Variants in NIPSNAP2 observed in about 807,000 individuals in gnomAD.
NIPSNAP2 encodes the protein protein NipSnap homolog 2.
Under a neutral mutation model 48.4 loss-of-function variants are expected in NIPSNAP2, and 42 were observed. The ratio of observed to expected loss-of-function variants is 0.87; its 90% CI spans 0.68 to 1.12. The LOEUF is 1.12. NIPSNAP2 is among the 50% of genes most tolerant of loss of function. The probability of loss-of-function intolerance (pLI) is 0.00; values close to 1 mark genes in which losing one functional copy is unlikely to be tolerated. For missense variants in NIPSNAP2, 314 were observed against 347.3 expected (o/e 0.90, Z 0.76); for synonymous variants, 158 against 126.6 (o/e 1.25, Z -1.67).
At chr7:55,970,758 A>G (rs1427400475) in intron 1 of NIPSNAP2, among the ~76,000 whole-genome samples, 1 of 151,820 alleles carries the variant, frequency 6.6e-6, no homozygotes, top group Non-Finnish European at 1.5e-5. Context: ...CAGTGTCATG[A>G]CTCCATGTCC....
At chr7:55,994,825 T>C (rs1787523837) in intron 7 of NIPSNAP2, 69 bp from the exon 8 acceptor site, 9 of 1,306,478 alleles carry the variant, frequency 6.9e-6, no homozygotes, top group Non-Finnish European at 8.9e-6. Context: ...ATGGTGAAGG[T>C]TTAGTCTACC....
chr7:55,983,137 A>C (rs1787255917), intron 5 of NIPSNAP2, among the ~76,000 whole-genome samples: 1 of 151,958 alleles, frequency 6.6e-6, no homozygotes, highest in Non-Finnish European at 1.5e-5. Flanking sequence ...AAACAACACA[A>C]AAAAAACCCC....
At chr7:55,978,494 C>A (rs765493047) in intron 3 of NIPSNAP2, 99 bp downstream of exon 3, 4 of 1,075,272 alleles carry the variant, frequency 3.7e-6, no homozygotes, top group Non-Finnish European at 5.3e-6. Flanking sequence ...GATCTTTCAT[C>A]CCTCTCTTTT....
chr7:55,993,247 C>T (rs1224570861), intron 7 of NIPSNAP2, among the ~76,000 whole-genome samples: 1 of 150,908 alleles, frequency 6.6e-6, no homozygotes, highest in Non-Finnish European at 1.5e-5. Flanking sequence ...TGCAGTGAGC[C>T]GAGATCCCGC....
chr7:55,989,640 A>G (rs896523123), intron 7 of NIPSNAP2, among the ~76,000 whole-genome samples: 7 of 151,508 alleles, frequency 4.6e-5, no homozygotes, highest in African/African-American at 1.7e-4. Context: ...AGCCTCAATA[A>G]TTAAGAGGGA....
chr7:55,989,205 A>G (rs1320776819), intron 7 of NIPSNAP2, among the ~76,000 whole-genome samples: 1 of 152,240 alleles, frequency 6.6e-6, no homozygotes, highest in Non-Finnish European at 1.5e-5. Context: ...CCTTAAATTC[A>G]AAACACAAGA....
intron 1 of NIPSNAP2, among the ~76,000 whole-genome samples, chr7:55,976,178 C>T (rs1196989739): frequency 6.9e-6 from 1 of 145,414 alleles, no homozygotes; most frequent in East Asian, 2.2e-4. Flanking sequence ...TTTAACAGCT[C>T]ACTCTGTATG....
chr7:55,983,560 G>C (rs1421846348), intron 5 of NIPSNAP2, among the ~76,000 whole-genome samples, 168 bp from the exon 6 acceptor site: 1 of 152,186 alleles, frequency 6.6e-6, no homozygotes, highest in Non-Finnish European at 1.5e-5. Context: ...GAAAAGGAAT[G>C]CTGTTAATGA....
At chr7:55,985,244 A>G (rs1787301384) in intron 7 of NIPSNAP2, among the ~76,000 whole-genome samples, 1 of 152,160 alleles carries the variant, frequency 6.6e-6, no homozygotes, top group Non-Finnish European at 1.5e-5. Context: ...AGCAAAACCA[A>G]TATTGCATAA....
intron 1 of NIPSNAP2, among the ~76,000 whole-genome samples, chr7:55,970,687 C>T (rs765380397): frequency 6.6e-6 from 1 of 152,142 alleles, no homozygotes; most frequent in African/African-American, 2.4e-5. Flanking sequence ...CTCGCCCTCA[C>T]GGTCCTCCCA....
chr7:55,984,591 C>T (rs769965477), intron 6 of NIPSNAP2, among the ~76,000 whole-genome samples: 16 of 151,622 alleles, frequency 1.1e-4, no homozygotes, highest in South Asian at 4.2e-4. Context: ...TGGTGGCGGG[C>T]GCCGGTAATC....
At chr7:55,989,688 C>T (rs1787404296) in intron 7 of NIPSNAP2, among the ~76,000 whole-genome samples, 1 of 152,082 alleles carries the variant, frequency 6.6e-6, no homozygotes, top group Non-Finnish European at 1.5e-5. Context: ...TAGCTGAAGT[C>T]AGTGCCTAGG....
At chr7:55,975,066 A>G (rs1028225369) in intron 1 of NIPSNAP2, among the ~76,000 whole-genome samples, 2 of 151,470 alleles carry the variant, frequency 1.3e-5, no homozygotes, top group African/African-American at 2.4e-5. Flanking sequence ...TTGGAGAGCA[A>G]AAGTAGCTGG....
chr7:55,978,243 A>G lies in NIPSNAP2; in HGVS notation c.210A>G (p.Thr70=). ...CCAATCTCCTAGCCAAAAAGGAAAC[A>G]AGCAATCTATACAAATTACAGTGTG... ...AHSNLLAKKE[T]SNLYKLQFHN... Residue 70 remains threonine (T), a synonymous_variant, in exon 2 of 10, where the codon ACA becomes ACG. Transcript: ENST00000322090. 3 of 1,614,186 alleles carry G rather than the reference A, an allele frequency of 1.9e-6. No homozygotes were observed. Among genetic ancestry groups the G allele is most frequent in the Admixed American group, 1.7e-5 (1 of 60,018 alleles).
At chr7:55,977,736 G>C (rs1787130844) in intron 1 of NIPSNAP2, among the ~76,000 whole-genome samples, 1 of 152,026 alleles carries the variant, frequency 6.6e-6, no homozygotes, top group Non-Finnish European at 1.5e-5. Flanking sequence ...CATTCATCTT[G>C]AGAATTTCTT....
At chr7:55,990,288 G>T (rs1004593868) in intron 7 of NIPSNAP2, among the ~76,000 whole-genome samples, 1 of 149,756 alleles carries the variant, frequency 6.7e-6, no homozygotes, top group Non-Finnish European at 1.5e-5. Context: ...GAGTGCAGTG[G>T]TGCGAACTCG....
intron 7 of NIPSNAP2, among the ~76,000 whole-genome samples, chr7:55,988,317 G>A (rs139814227): frequency 3.7e-4 from 57 of 152,124 alleles, no homozygotes; most frequent in African/African-American, 1.3e-3. Context: ...GATTTGAATA[G>A]GATTTCACCA....
At chr7:55,995,512 T>C (rs1450882455) in intron 8 of NIPSNAP2, among the ~76,000 whole-genome samples, 1 of 152,170 alleles carries the variant, frequency 6.6e-6, no homozygotes, top group African/African-American at 2.4e-5. Context: ...TCCCCAGTAG[T>C]GAACATCATC....
intron 3 of NIPSNAP2, 155 bp from the exon 4 acceptor site, chr7:55,981,318 A>C: frequency 1.7e-6 from 1 of 574,340 alleles, no homozygotes; most frequent in Middle Eastern, 3.7e-4. Context: ...AATTCAGCTA[A>C]AAGGTTAACT....
Sources: allele counts gnomAD v4.1 joint callset (sites outside exome capture counted in the v4.1 genomes callset), GRCh38; gene constraint gnomAD v4.1.1; transcripts MANE v1.5; gene names NCBI Gene and HGNC (gene_info 2026-07-23, HGNC 2026-07-21).